DPYS: variants seen among roughly 807,000 people sequenced by gnomAD.
The protein encoded by DPYS is dihydropyrimidine amidohydrolase.
DPYS carries 39 observed loss-of-function variants against 50.3 expected under a neutral mutation model. The ratio of observed to expected loss-of-function variants is 0.78; its 90% confidence interval spans 0.60 to 1.01. DPYS has a LOEUF of 1.01. Among genes scored for constraint, DPYS ranks in the 50% least tolerant of loss-of-function variants. The pLI, the probability that DPYS is intolerant of heterozygous loss-of-function variation, is 0.00. For synonymous variants in DPYS, 245 were observed against 250.7 expected (o/e 0.98, Z 0.22); for missense variants, 659 against 680.9 (o/e 0.97, Z 0.36).
chr8:104,412,690 G>C (rs1014206600), intron 7 of DPYS, among the ~76,000 whole-genome samples: 1 of 152,166 alleles, frequency 6.6e-6, no homozygotes, highest in Admixed American at 6.5e-5. Context: ...TCTGGTCAGA[G>C]AACCCACTGT....
chr8:104,415,216 C>T (rs753923034), intron 7 of DPYS, among the ~76,000 whole-genome samples: 6 of 152,172 alleles, frequency 3.9e-5, no homozygotes, highest in Non-Finnish European at 8.8e-5. Flanking sequence ...AACATAGAAT[C>T]TATGTCAGGT....
At chr8:104,421,859 A>C (rs1394164223) in intron 7 of DPYS, among the ~76,000 whole-genome samples, 1 of 152,236 alleles carries the variant, frequency 6.6e-6, no homozygotes, top group Non-Finnish European at 1.5e-5. Flanking sequence ...AGGAAGGGCA[A>C]GACAATGTTA....
At chr8:104,409,911 T>G (rs1812117128) in intron 7 of DPYS, among the ~76,000 whole-genome samples, 1 of 152,222 alleles carries the variant, frequency 6.6e-6, no homozygotes, top group African/African-American at 2.4e-5. Context: ...TACAGTTGCC[T>G]AATTTGGCTC....
chr8:104,407,955 G>T (rs571429472), intron 7 of DPYS, among the ~76,000 whole-genome samples: 2 of 146,458 alleles, frequency 1.4e-5, no homozygotes, highest in South Asian at 2.1e-4. Flanking sequence ...AAGACAGGAA[G>T]AAAAAAAAAA....
intron 7 of DPYS, among the ~76,000 whole-genome samples, chr8:104,416,505 A>T (rs1283376761): frequency 1.3e-5 from 2 of 152,182 alleles, no homozygotes; most frequent in East Asian, 3.9e-4. Context: ...CCATGACAAG[A>T]CCCACACAAT....
chr8:104,382,156 T>C (rs938594479), intron 8 of DPYS, among the ~76,000 whole-genome samples: 2 of 152,200 alleles, frequency 1.3e-5, no homozygotes, highest in African/African-American at 4.8e-5. Flanking sequence ...AGATATTTAC[T>C]GAGCTCACAC....
At chr8:104,452,475 C>A (rs1422759371) in intron 1 of DPYS, among the ~76,000 whole-genome samples, 1 of 152,102 alleles carries the variant, frequency 6.6e-6, no homozygotes, top group Non-Finnish European at 1.5e-5. Context: ...GCCTTTAATT[C>A]GCCATCTGCA....
In DPYS at chr8:104,409,925, A is replaced by C. The variant is rs1812117654; in HGVS notation, c.1235+14322T>G. 3.3e-5 allele frequency among the ~76,000 whole-genome samples: 5 copies of C among 152,228 alleles called. No individual in the cohort carries two copies. The South Asian group carries it at 1.0e-3, about 32-fold the overall frequency. ...ATACAGTTGCCTAATTTGGCTCTAA[A>C]TGCCATGTCCCTTAACCATTGGGCC... On this transcript the variant is annotated intron_variant, in intron 7 of 9. Coordinates refer to ENST00000351513, the MANE Select transcript of DPYS (RefSeq NM_001385.3).
At chr8:104,453,697 T>C (rs1193775027) in intron 1 of DPYS, among the ~76,000 whole-genome samples, 2 of 152,046 alleles carry the variant, frequency 1.3e-5, no homozygotes, top group African/African-American at 2.4e-5. Flanking sequence ...CCTAGGCCTA[T>C]AGCCAAGAGA....
rs1014026501 is a variant in DPYS, at chr8:104,466,789, G to T, written c.132C>A (p.Gly44=). 6.5e-7 allele frequency: 1 copy of T among 1,533,830 alleles called. No individual in the cohort carries two copies. Among genetic ancestry groups the T allele is most frequent in the Non-Finnish European group, 8.7e-7 (1 of 1,145,664 alleles). ...ALGHDLLPPG[G]APAGLRVLDA... is the part of the protein sequence containing the mutation. ...CGAGGACCCGCAGCCCCGCAGGAGC[G>T]CCCCCGGGAGGCAGCAGGTCGTGCC... The change falls in exon 1 of 10, where the codon GGC becomes GGA. Residue 44 remains glycine (G), a synonymous_variant. Coordinates refer to ENST00000351513, the MANE Select transcript of DPYS (RefSeq NM_001385.3).
At chr8:104,460,939 C>T (rs1814134302) in intron 1 of DPYS, among the ~76,000 whole-genome samples, 1 of 152,072 alleles carries the variant, frequency 6.6e-6, no homozygotes, top group Admixed American at 6.5e-5. Context: ...CTTTTAAAGA[C>T]AGTAAGAAGT....
chr8:104,382,439 C>A (rs189617922), intron 8 of DPYS, among the ~76,000 whole-genome samples: 1 of 152,116 alleles, frequency 6.6e-6, no homozygotes, highest in Non-Finnish European at 1.5e-5. Flanking sequence ...GAAGGGCCAG[C>A]CTCCCATTTC....
intron 3 of DPYS, 97 bp from the exon 4 acceptor site, chr8:104,444,534 G>C (rs1813464744): frequency 7.3e-7 from 1 of 1,362,618 alleles, no homozygotes; most frequent in Non-Finnish European, 1.0e-6. Flanking sequence ...CCAGGCTTTT[G>C]ATCTGTTAGG....
chr8:104,443,880 G>C (rs779357649), intron 4 of DPYS, among the ~76,000 whole-genome samples: 1 of 152,172 alleles, frequency 6.6e-6, no homozygotes, highest in Non-Finnish European at 1.5e-5. Flanking sequence ...GCGACAAAGT[G>C]AGACTCCATC....
chr8:104,385,287 A>G (rs1811176186), intron 8 of DPYS, among the ~76,000 whole-genome samples: 1 of 152,208 alleles, frequency 6.6e-6, no homozygotes, highest in Non-Finnish European at 1.5e-5. Context: ...GGTGATCTAC[A>G]AACATTTATT....
rs187032744 is a variant in DPYS at position 104,413,397 on chromosome 8, G to A, written c.1235+10850C>T. Among the ~76,000 whole-genome samples, 298 of 151,944 alleles carry A rather than the reference G, an allele frequency of 2.0e-3. 1 individual carries two copies. The highest frequency in any genetic ancestry group is 5.2e-3 in the African/African-American group (217 of 41,488). On this transcript the variant is annotated intron_variant, in intron 7 of 9. Coordinates refer to ENST00000351513, the MANE Select transcript of DPYS (RefSeq NM_001385.3). ...ATATATATAGTAAATAGAAAGAAAT[G>A]CATGGAAATGATAAACACCAAATTG...
chr8:104,401,201 A>G (rs1272168408), intron 7 of DPYS, among the ~76,000 whole-genome samples: 1 of 152,204 alleles, frequency 6.6e-6, no homozygotes, highest in Non-Finnish European at 1.5e-5. Context: ...CTTTAAAAAT[A>G]TACCTCATCT....
intron 1 of DPYS, among the ~76,000 whole-genome samples, chr8:104,462,320 CA>C (rs1471375712): frequency 6.6e-6 from 1 of 152,128 alleles, no homozygotes; most frequent in East Asian, 1.9e-4. Context: ...ATTTGATTTG[CA>C]ACCAGGGTTT....
intron 4 of DPYS, among the ~76,000 whole-genome samples, chr8:104,434,177 GA>G (rs1213357382): frequency 6.6e-6 from 1 of 152,020 alleles, no homozygotes; most frequent in African/African-American, 2.4e-5. Flanking sequence ...CAAATTTTCT[GA>G]TTGGCAATTG....
Sources: gnomAD v4.1 joint callset for allele counts (sites outside exome capture counted in the v4.1 genomes callset) on GRCh38, gnomAD v4.1.1 for gene constraint, MANE v1.5 for transcripts, NCBI Gene and HGNC (gene_info 2026-07-23, HGNC 2026-07-21) for gene names.